SUCLG2: variants seen among roughly 807,000 people sequenced by gnomAD.
SUCLG2 encodes the protein succinate--CoA ligase [GDP-forming] subunit beta, mitochondrial.
A neutral mutation model predicts 47.9 loss-of-function variants in SUCLG2; 42 were observed. The ratio of observed to expected loss-of-function variants is 0.88; its 90% CI spans 0.69 to 1.14. The LOEUF is 1.14. SUCLG2 is among the 50% of genes most tolerant of loss of function. The pLI is 0.00. For missense variants in SUCLG2, 571 were observed against 525.9 expected (o/e 1.09, Z -0.84); for synonymous variants, 195 against 197.3 (o/e 0.99, Z 0.10).
chr3:67,499,893 A>G (rs1705450091), intron 7 of SUCLG2, among the ~76,000 whole-genome samples: 1 of 151,944 alleles, frequency 6.6e-6, no homozygotes, highest in Admixed American at 6.6e-5. Context: ...CACCATGCCC[A>G]GGTAATTTTT....
chr3:67,386,770 G>A (rs563920923), intron 10 of SUCLG2, among the ~76,000 whole-genome samples: 2 of 152,280 alleles, frequency 1.3e-5, no homozygotes, highest in South Asian at 4.1e-4. Context: ...TGAGATTTGG[G>A]TGGGGACACA....
At chr3:67,478,075 G>C (rs993909869) in intron 9 of SUCLG2, among the ~76,000 whole-genome samples, 1 of 152,190 alleles carries the variant, frequency 6.6e-6, no homozygotes, top group Admixed American at 6.5e-5. Context: ...CAAGCAGTTA[G>C]TGGCAGAGCC....
chr3:67,491,711 A>C (rs1705211129), intron 9 of SUCLG2, among the ~76,000 whole-genome samples: 1 of 152,186 alleles, frequency 6.6e-6, no homozygotes, highest in Non-Finnish European at 1.5e-5. Flanking sequence ...ACTTTGTAAT[A>C]ATTCATCAAG....
chr3:67,515,628 T>C (rs1664219584), intron 6 of SUCLG2, among the ~76,000 whole-genome samples: 1 of 152,182 alleles, frequency 6.6e-6, no homozygotes, highest in South Asian at 2.1e-4. Flanking sequence ...ATTAAGTAAC[T>C]TAACTTTCAA....
chr3:67,384,329 T>A (rs1702216619), intron 10 of SUCLG2, among the ~76,000 whole-genome samples: 1 of 152,198 alleles, frequency 6.6e-6, no homozygotes. Flanking sequence ...TGCTGGCCTC[T>A]TTTCTACACT....
intron 2 of SUCLG2, among the ~76,000 whole-genome samples, chr3:67,564,609 T>C (rs1387193186): frequency 6.6e-6 from 1 of 152,290 alleles, no homozygotes; most frequent in Non-Finnish European, 1.5e-5. Flanking sequence ...TTGTCCAATC[T>C]GTGGCCCACA....
intron 10 of SUCLG2, among the ~76,000 whole-genome samples, chr3:67,379,416 G>GT (rs984744701): frequency 9.2e-5 from 14 of 152,144 alleles, no homozygotes; most frequent in Non-Finnish European, 1.3e-4. Context: ...CTGGAGACTA[G>GT]TTTTTTATCA....
intron 2 of SUCLG2, among the ~76,000 whole-genome samples, chr3:67,548,194 G>T (rs1353055263): frequency 6.6e-6 from 1 of 152,234 alleles, no homozygotes; most frequent in Non-Finnish European, 1.5e-5. Context: ...GGAAGAAACA[G>T]AGTTGAGATT....
At chr3:67,393,730 C>G (rs1170354936) in intron 10 of SUCLG2, among the ~76,000 whole-genome samples, 3 of 152,212 alleles carry the variant, frequency 2.0e-5, no homozygotes, top group East Asian at 3.8e-4. Context: ...TCAAGTGGGT[C>G]CCTGACCCCT....
At chr3:67,399,049 A>AT (rs1702621376) in intron 10 of SUCLG2, among the ~76,000 whole-genome samples, 1 of 150,690 alleles carries the variant, frequency 6.6e-6, no homozygotes, top group Non-Finnish European at 1.5e-5. Flanking sequence ...GAAGGATAGC[A>AT]TTAGGAGATA....
At chr3:67,426,475 T>C (rs1381301825) in intron 9 of SUCLG2, among the ~76,000 whole-genome samples, 1 of 152,198 alleles carries the variant, frequency 6.6e-6, no homozygotes, top group Non-Finnish European at 1.5e-5. Flanking sequence ...CTTTGCAATA[T>C]TTAAGGAAAA....
Position 67,436,665 on chromosome 3 carries a change from T to C in SUCLG2, c.1063-35814A>G, listed in dbSNP as rs576845935. Among the ~76,000 whole-genome samples the C allele has an allele frequency of 9.2e-5, 14 of 152,306 alleles. No homozygotes were observed. In the South Asian group the frequency reaches 2.5e-3, roughly 27 times the overall value. ...ATTACTAGAAATTTACATGATACTT[T>C]TCATCAGCAAGTGTTAGGTAAAAAT... On this transcript the variant is annotated intron_variant, in intron 9 of 10. Coordinates refer to ENST00000307227, the MANE Select transcript of SUCLG2 (RefSeq NM_003848.4).
At chr3:67,541,062 C>T (rs1176283812) in intron 2 of SUCLG2, among the ~76,000 whole-genome samples, 2 of 152,160 alleles carry the variant, frequency 1.3e-5, no homozygotes, top group Non-Finnish European at 2.9e-5. Flanking sequence ...TGACCAACAT[C>T]AAAGACCAAA....
chr3:67,567,954 C>T (rs1707504451), intron 2 of SUCLG2, among the ~76,000 whole-genome samples: 2 of 152,106 alleles, frequency 1.3e-5, no homozygotes, highest in African/African-American at 4.8e-5. Flanking sequence ...TGTTAGCCGC[C>T]TCAGCAAAAG....
intron 2 of SUCLG2, among the ~76,000 whole-genome samples, chr3:67,607,206 T>C (rs966829016): frequency 3.9e-5 from 6 of 152,170 alleles, no homozygotes; most frequent in Non-Finnish European, 8.8e-5. Context: ...CTGTCCTAGA[T>C]GGTAGCCACT....
rs200598302 is a variant in SUCLG2, at chr3:67,507,212, AT to A, written c.757+1594del. ...GATAGCCATAGCAACTTTAAAAAAA[AT>A]ATTTATGAATAAAGGTAGCTTGTTT... On this transcript the variant is annotated intron_variant, in intron 7 of 10. Coordinates refer to ENST00000307227, the MANE Select transcript of SUCLG2 (RefSeq NM_003848.4). Among the ~76,000 whole-genome samples the A allele has an allele frequency of 5.4e-3, 826 of 152,332 alleles. 6 individuals carry two copies. The highest frequency in any genetic ancestry group is 0.017 in the Middle Eastern group (5 of 294).
chr3:67,638,593 T>C (rs2107364482), intron 1 of SUCLG2, among the ~76,000 whole-genome samples: 1 of 152,312 alleles, frequency 6.6e-6, no homozygotes, highest in African/African-American at 2.4e-5. Flanking sequence ...CAATCGAACA[T>C]AATTTGGAAT....
At chr3:67,487,093 GA>G (rs2107033173) in intron 9 of SUCLG2, among the ~76,000 whole-genome samples, 1 of 151,730 alleles carries the variant, frequency 6.6e-6, no homozygotes, top group East Asian at 1.9e-4. Flanking sequence ...GCATTCCTTG[GA>G]AATAAAAAGA....
chr3:67,404,073 A>T (rs1575673703), intron 9 of SUCLG2, among the ~76,000 whole-genome samples: 2 of 152,154 alleles, frequency 1.3e-5, no homozygotes, highest in East Asian at 3.9e-4. Context: ...ATTAGTAGAG[A>T]GGCGATTTTG....
Sources: allele counts gnomAD v4.1 joint callset (sites outside exome capture counted in the v4.1 genomes callset), GRCh38; gene constraint gnomAD v4.1.1; transcripts MANE v1.5; gene names NCBI Gene and HGNC (gene_info 2026-07-23, HGNC 2026-07-21).